Variants in CPS1 observed in about 807,000 individuals in gnomAD.
CPS1 encodes the protein carbamoyl-phosphate synthase [ammonia], mitochondrial.
CPS1 carries 109 observed loss-of-function variants against 174.6 expected under a neutral mutation model. That is an observed-to-expected ratio of 0.62 (90% CI 0.53 to 0.73). The LOEUF is 0.73. CPS1 is among the 30% of genes least tolerant of loss of function. The pLI is 0.00. For synonymous variants in CPS1, 637 were observed against 632.0 expected (o/e 1.01, Z -0.12); for missense variants, 1,689 against 1,821.9 (o/e 0.93, Z 1.33).
intron 28 of CPS1, among the ~76,000 whole-genome samples, chr2:210,651,528 C>T (rs1020398838): frequency 2.3e-4 from 35 of 152,178 alleles, no homozygotes; most frequent in African/African-American, 3.6e-4. Context: ...TCCTGCCATG[C>T]GGCCCTTTTC....
chr2:210,531,928 A>C (rs917780966), intron 1 of CPS1, among the ~76,000 whole-genome samples: 1 of 152,116 alleles, frequency 6.6e-6, no homozygotes, highest in Non-Finnish European at 1.5e-5. Flanking sequence ...GTATACTTCC[A>C]TGTTAAGTTA....
intron 1 of CPS1, among the ~76,000 whole-genome samples, chr2:210,516,087 T>C (rs1024448009): frequency 1.3e-5 from 2 of 151,908 alleles, no homozygotes; most frequent in Non-Finnish European, 2.9e-5. Flanking sequence ...TTTTTGAATT[T>C]ATTGAAATTC....
Position 210,480,620 on chromosome 2 carries a change from A to AT in CPS1, c.3+2860dup, listed in dbSNP as rs568719879. 1.1e-4 allele frequency among the ~76,000 whole-genome samples: 16 copies of AT among 152,194 alleles called. No homozygotes were observed. The South Asian group carries it at 3.3e-3, about 32-fold the overall frequency. On this transcript the variant is annotated intron_variant, in intron 1 of 38. Coordinates refer to the CPS1 transcript ENST00000430249. ...GAGATCTTGAGACTCCATATCCTAT[A>AT]TTTTTTCTAGAAACTCCCCACCTGC... is the stretch of plus-strand genomic sequence containing the variant.
At chr2:210,483,438 A>C (rs1275642776) in intron 1 of CPS1, among the ~76,000 whole-genome samples, 1 of 152,192 alleles carries the variant, frequency 6.6e-6, no homozygotes, top group Non-Finnish European at 1.5e-5. Flanking sequence ...AGAGACTTAC[A>C]TAGTTATCTC....
At chr2:210,605,618 A>T (rs1489799561) in intron 17 of CPS1, among the ~76,000 whole-genome samples, 1 of 151,932 alleles carries the variant, frequency 6.6e-6, no homozygotes, top group Non-Finnish European at 1.5e-5. Flanking sequence ...AATAATAGAA[A>T]TAAGTTTTTC....
At chr2:210,597,305 G>T (rs1698519319) in intron 13 of CPS1, among the ~76,000 whole-genome samples, 1 of 151,806 alleles carries the variant, frequency 6.6e-6, no homozygotes, top group African/African-American at 2.4e-5. Flanking sequence ...CTTGAGAGAT[G>T]ACTCGTATTG....
chr2:210,664,009 G>A (rs950723471), intron 33 of CPS1, among the ~76,000 whole-genome samples: 2 of 152,130 alleles, frequency 1.3e-5, no homozygotes, highest in Non-Finnish European at 2.9e-5. Flanking sequence ...TGTTTTATAT[G>A]GTTGCCTGGT....
At chr2:210,550,677 C>T (rs1281396630) in intron 1 of CPS1, among the ~76,000 whole-genome samples, 1 of 151,912 alleles carries the variant, frequency 6.6e-6, no homozygotes, top group Non-Finnish European at 1.5e-5. Context: ...TTTTCACTTA[C>T]TGGCATAACA....
chr2:210,510,970 TG>T (rs1209355772), intron 1 of CPS1, among the ~76,000 whole-genome samples: 2 of 151,508 alleles, frequency 1.3e-5, no homozygotes, highest in African/African-American at 4.9e-5. Flanking sequence ...GAAGTCAGTG[TG>T]GCGATTCCTC....
At chr2:210,617,151 T>A (rs1459387161) in intron 21 of CPS1, among the ~76,000 whole-genome samples, 1 of 152,046 alleles carries the variant, frequency 6.6e-6, no homozygotes, top group Non-Finnish European at 1.5e-5. Flanking sequence ...GAGAATATTT[T>A]GATAATGTAG....
chr2:210,531,121 T>C (rs2106000228), intron 1 of CPS1, among the ~76,000 whole-genome samples: 1 of 152,224 alleles, frequency 6.6e-6, no homozygotes, highest in East Asian at 1.9e-4. Flanking sequence ...ACTTAACATT[T>C]CTGATCTCTA....
chr2:210,647,963 T>G lies in CPS1; in HGVS notation c.3242T>G (p.Leu1081Arg). Residue 1081 changes from leucine to arginine, a missense_variant, in exon 26 of 38, where the codon CTG (leucine) becomes CGG (arginine). Physicochemically the swap from Leu to Arg is moderately radical, Grantham distance 102 (BLOSUM62 -2). Coordinates refer to ENST00000233072, the MANE Select transcript of CPS1 (RefSeq NM_001875.5). ...GTCAAGATCATGGGCACAAGCCCCC[T>G]GCAGATCGACAGGGCTGAGGATCGC... Reference protein sequence around the residue: ...NGVKIMGTSPLQIDRAEDRSI... With the variant: ...NGVKIMGTSPRQIDRAEDRSI... 6.2e-7 allele frequency: 1 copy of G among 1,614,096 alleles called. No individual in the cohort carries two copies. Among genetic ancestry groups the G allele is most frequent in the East Asian group, 2.2e-5 (1 of 44,872 alleles).
intron 1 of CPS1, among the ~76,000 whole-genome samples, chr2:210,514,307 A>G (rs1310411993): frequency 1.3e-5 from 2 of 152,030 alleles, no homozygotes; most frequent in Non-Finnish European, 2.9e-5. Flanking sequence ...GATTCTTCCT[A>G]TCCATGAACA....
At chr2:210,525,576 T>G (rs547847464) in intron 1 of CPS1, among the ~76,000 whole-genome samples, 2 of 151,596 alleles carry the variant, frequency 1.3e-5, no homozygotes, top group African/African-American at 4.8e-5. Context: ...GGTAAAAGTT[T>G]AGTGAGCTGG....
At chr2:210,647,795 A>G (rs982063091) in intron 25 of CPS1, 68 bp from the exon 26 acceptor site, 9 of 1,521,534 alleles carry the variant, frequency 5.9e-6, no homozygotes, top group African/African-American at 1.4e-5. Flanking sequence ...AATAGACACA[A>G]TATTAGCATA....
In CPS1 at chr2:210,629,636, A is replaced by G. The variant is rs1281614249; in HGVS notation, c.2688-8066A>G. On this transcript the variant is annotated intron_variant, in intron 21 of 37. Coordinates refer to ENST00000233072, the MANE Select transcript of CPS1 (RefSeq NM_001875.5). Reference sequence around the variant, plus strand: ...AGCCAGAACACTTTCTTATATACGAATTGACATAACTTACTACTTTGGTTA... The same window carrying G: ...AGCCAGAACACTTTCTTATATACGAGTTGACATAACTTACTACTTTGGTTA... Among the ~76,000 whole-genome samples, 4 of 152,016 alleles carry G rather than the reference A, an allele frequency of 2.6e-5. 1 individual carries two copies. In the South Asian group the frequency reaches 8.3e-4, roughly 32 times the overall value.
intron 1 of CPS1, among the ~76,000 whole-genome samples, chr2:210,545,790 A>T (rs1311172057): frequency 1.3e-5 from 2 of 152,014 alleles, no homozygotes; most frequent in East Asian, 3.9e-4. Context: ...TTTAGCCAGT[A>T]TTGGCTGGGA....
intron 1 of CPS1, among the ~76,000 whole-genome samples, chr2:210,498,198 C>T (rs140064372): frequency 4.5e-4 from 69 of 151,736 alleles, no homozygotes; most frequent in Non-Finnish European, 7.5e-4. Context: ...TGTTTGCTGA[C>T]GTATGAAGAT....
At chr2:210,619,546 ACT>A (rs1055450435) in intron 21 of CPS1, 1 of 152,010 alleles carries the variant, frequency 6.6e-6, no homozygotes, top group African/African-American at 2.4e-5. Flanking sequence ...TCATTTTCAG[ACT>A]CACAATTTTT....
Sources: allele counts gnomAD v4.1 joint callset (sites outside exome capture counted in the v4.1 genomes callset), GRCh38; gene constraint gnomAD v4.1.1; transcripts MANE v1.5; gene names NCBI Gene and HGNC (gene_info 2026-07-23, HGNC 2026-07-21).